SH3BP2: variants seen among roughly 807,000 people sequenced by gnomAD.
SH3BP2 encodes the protein SH3 domain-binding protein 2.
In SH3BP2, 38 loss-of-function variants were observed where a neutral mutation model predicts 56.2. That is an observed-to-expected ratio of 0.68 (90% CI 0.52 to 0.89). The LOEUF is 0.89. Ranked by LOEUF, SH3BP2 falls within the 40% of genes least tolerant of loss-of-function variation. The pLI is 0.00. For synonymous variants in SH3BP2, 346 were observed against 316.7 expected (o/e 1.09, Z -0.98); for missense variants, 748 against 762.6 (o/e 0.98, Z 0.23).
At chr4:2,796,128 C>T (rs775529665) in intron 1 of SH3BP2, among the ~76,000 whole-genome samples, 1 of 152,208 alleles carries the variant, frequency 6.6e-6, no homozygotes, top group Admixed American at 6.5e-5. Flanking sequence ...GCGAATTGCA[C>T]TTCCTGACCC....
At chr4:2,798,252 G>A (rs918698156) in intron 1 of SH3BP2, among the ~76,000 whole-genome samples, 1 of 152,216 alleles carries the variant, frequency 6.6e-6, no homozygotes, top group Admixed American at 6.5e-5. Context: ...TTCTTTCTCT[G>A]TAGCTGCTCT....
rs1208062608 is a variant in SH3BP2 at position 2,810,985 on chromosome 4, C to T, written c.-4-9629C>T. The stretch of plus-strand genomic sequence containing the variant: ...GAAGGTGTGGTCTGCCCTTGGCCAC[C>T]TGAGGGGACTGAGGCTGGCACAGGC... On this transcript the variant is annotated intron_variant, in intron 1 of 12. Transcript: ENST00000503393. This position sits in a 1 kb window ranked among gnomAD's most constrained non-coding sequence, Gnocchi z 4.2. Among the ~76,000 whole-genome samples the T allele has an allele frequency of 6.6e-6, 1 of 152,246 alleles. No homozygotes were observed. The highest frequency in any genetic ancestry group is 1.5e-5 in the Non-Finnish European group (1 of 68,040).
rs561494894 is a variant in SH3BP2 at position 2,822,750 on chromosome 4, C to T, written c.137-185C>T. 5.3e-4 allele frequency among the ~76,000 whole-genome samples: 81 copies of T among 152,302 alleles called. 1 individual carries two copies. In the South Asian group the frequency reaches 7.2e-3, roughly 14 times the overall value. On this transcript the variant is annotated intron_variant, in intron 2 of 12. Coordinates refer to ENST00000503393, the MANE Select transcript of SH3BP2 (RefSeq NM_001122681.2). ...TAGCCAGTGTGCCTACAATTTTTTC[C>T]GTATTTGGCCCCAGAGTGGGCTCCT...
chr4:2,832,089 C>A, intron 10 of SH3BP2, 111 bp downstream of exon 10: 1 of 1,199,678 alleles, frequency 8.3e-7, no homozygotes, highest in East Asian at 2.4e-5. Context: ...AGTTCATGGC[C>A]CTGCGTGCAG....
chr4:2,828,024 A>G (rs992415378), intron 7 of SH3BP2, among the ~76,000 whole-genome samples: 6 of 152,104 alleles, frequency 3.9e-5, no homozygotes, highest in Non-Finnish European at 7.4e-5. Context: ...GCTTGTGTGG[A>G]CACTGCTGCA....
chr4:2,803,941 G>A (rs961269067), intron 1 of SH3BP2, among the ~76,000 whole-genome samples: 1 of 152,180 alleles, frequency 6.6e-6, no homozygotes, highest in African/African-American at 2.4e-5. Flanking sequence ...CGGGTGCAGG[G>A]TGTGGCGTTT....
chr4:2,815,017 C>A (rs1577349523), intron 1 of SH3BP2: 2 of 152,408 alleles, frequency 1.3e-5, no homozygotes, highest in Middle Eastern at 6.8e-3. Context: ...GGAGGCCTGG[C>A]CAGCTAGGAG....
Position 2,832,906 on chromosome 4 carries a change from C to T in SH3BP2, c.1489-84C>T, listed in dbSNP as rs949474623. On this transcript the variant is annotated intron_variant, in intron 11 of 12. Coordinates refer to ENST00000503393, the MANE Select transcript of SH3BP2 (RefSeq NM_001122681.2). ...ACAGGACCCAGCCTTGATGGTTCTG[C>T]CCCCCTATCCCCAGCCCATGGTCTC... 38 of 1,376,340 alleles carry T rather than the reference C, an allele frequency of 2.8e-5. 2 individuals carry two copies. The South Asian group carries it at 4.4e-4, about 16-fold the overall frequency. The allele number at this position is 1,376,340 out of a possible 1,614,324, so 85.3% of individuals were successfully genotyped here. A position where few individuals can be genotyped will look rare whatever the true frequency, so the allele number is the denominator to read the frequency against.
intron 2 of SH3BP2, among the ~76,000 whole-genome samples, chr4:2,821,151 C>T (rs1724283568): frequency 6.6e-6 from 1 of 152,158 alleles, no homozygotes; most frequent in African/African-American, 2.4e-5. Context: ...TGGAGCTGCA[C>T]AAGACCCAGG....
intron 1 of SH3BP2, among the ~76,000 whole-genome samples, chr4:2,814,041 G>T (rs1196779345): frequency 6.6e-6 from 1 of 152,222 alleles, no homozygotes; most frequent in Non-Finnish European, 1.5e-5. Context: ...GTGGTCACAT[G>T]AGGTGCTGGC....
At chr4:2,827,695 CG>C in intron 7 of SH3BP2, 21 bp downstream of exon 7, 1 of 715,074 alleles carries the variant, frequency 1.4e-6, no homozygotes, top group Non-Finnish European at 2.4e-6. Flanking sequence ...CGGGTGGGCC[CG>C]GGGAGCTCTG....
chr4:2,801,601 C>T (rs540474669), intron 1 of SH3BP2, among the ~76,000 whole-genome samples: 4 of 152,076 alleles, frequency 2.6e-5, no homozygotes, highest in African/African-American at 7.2e-5. Flanking sequence ...GCTGGCCTGT[C>T]GCCTTGAGCC....
Position 2,831,645 on chromosome 4 carries a change from C to G in SH3BP2, c.1316C>G (p.Thr439Ser). ...EKPRQPSQADTGGDDSDEDYE... is the reference protein window; with the variant it reads ...EKPRQPSQADSGGDDSDEDYE... ...CCCCGGCAACCCTCACAGGCTGACA[C>G]TGGCGGGGACGACTCGGACGAGGAC... Residue 439 changes from threonine (T) to serine (S), a missense_variant, in exon 9 of 13, where the codon ACT (threonine) becomes AGT (serine). By Grantham distance (58) the Thr-to-Ser change is moderately conservative. Coordinates refer to ENST00000503393, the MANE Select transcript of SH3BP2 (RefSeq NM_001122681.2). This position sits in a 1 kb window ranked among gnomAD's most constrained non-coding sequence, Gnocchi z 4.1. 1 of 1,595,204 alleles carries G rather than the reference C, an allele frequency of 6.3e-7. No individual in the cohort carries two copies. The highest frequency in any genetic ancestry group is 1.3e-5 in the African/African-American group (1 of 74,594).
chr4:2,825,477 C>CACACACACACAGAGCAACACGTGGACAT (rs1560107386), intron 5 of SH3BP2, among the ~76,000 whole-genome samples: 10 of 141,784 alleles, frequency 7.1e-5, no homozygotes, highest in Non-Finnish European at 1.3e-4. Flanking sequence ...CGTGGACATG[C>CACACACACACAGAGCAACACGTGGACAT]GCACACACAC....
chr4:2,831,474 G>A lies in SH3BP2; in HGVS notation c.1242-97G>A, dbSNP rs1423880749. On this transcript the variant is annotated intron_variant, in intron 8 of 12. Transcript: ENST00000503393. This position sits in a 1 kb window ranked among gnomAD's most constrained non-coding sequence, Gnocchi z 4.1. Reference sequence around the variant, plus strand: ...CAGGGGCCATAGCAGGCAGCTTGCCGTCCTCACACAGAGGGTGGAGTGGGG... The same window carrying A: ...CAGGGGCCATAGCAGGCAGCTTGCCATCCTCACACAGAGGGTGGAGTGGGG... 11 of 908,028 alleles carry A rather than the reference G, an allele frequency of 1.2e-5. No individual in the cohort carries two copies. The highest frequency in any genetic ancestry group is 7.9e-5 in the East Asian group (3 of 37,960). The allele number at this position is 908,028 out of a possible 1,614,324, so 56.2% of individuals were successfully genotyped here.
chr4:2,822,203 G>A (rs1724347191), intron 2 of SH3BP2, among the ~76,000 whole-genome samples: 1 of 110 alleles, frequency 9.1e-3, no homozygotes, highest in African/African-American at 0.038. Flanking sequence ...CACCCAGACT[G>A]CAGTGCAGTG....
At chr4:2,799,145 C>T in intron 1 of SH3BP2, 5 of 985,742 alleles carry the variant, frequency 5.1e-6, no homozygotes, top group Non-Finnish European at 4.8e-6. Context: ...TGTACCCCTG[C>T]TGGCTGCCTG....
chr4:2,802,440 G>GTGTGTGTA (rs1288683235), intron 1 of SH3BP2, among the ~76,000 whole-genome samples: 1 of 145,664 alleles, frequency 6.9e-6, no homozygotes, highest in Non-Finnish European at 1.5e-5. Context: ...GTGTGTGTGT[G>GTGTGTGTA]TGTATGTATA....
In SH3BP2 at chr4:2,829,723, A is replaced by AC. The variant is rs776466609; in HGVS notation, c.823dup (p.Arg275ProfsTer58). 1.9e-6 allele frequency: 3 copies of AC among 1,611,574 alleles called. No homozygotes were observed. Among genetic ancestry groups the AC allele is most frequent in the Admixed American group, 1.7e-5 (1 of 59,898 alleles). ...TGAGCCTTGCCCCAGGGTACCTGCT[A>AC]CCCCCCGAAGGATGAGCGATCCCCC... On this transcript the variant is annotated frameshift_variant, in exon 8 of 13. Coordinates refer to ENST00000503393, the MANE Select transcript of SH3BP2 (RefSeq NM_001122681.2). LOFTEE classifies it high-confidence loss of function. The surrounding 1 kb of genome is among the most constrained non-coding windows in gnomAD (Gnocchi z 4.9).
Sources: allele counts gnomAD v4.1 joint callset (sites outside exome capture counted in the v4.1 genomes callset), GRCh38; gene constraint gnomAD v4.1.1; non-coding constraint Gnocchi (gnomAD v3.1); transcripts MANE v1.5; gene names NCBI Gene and HGNC (gene_info 2026-07-23, HGNC 2026-07-21).